Variants in PATL1 observed in about 807,000 individuals in gnomAD.
PATL1 encodes protein PAT1 homolog 1.
In PATL1, 32 loss-of-function variants were observed where a neutral mutation model predicts 100.6. The ratio of observed to expected loss-of-function variants is 0.32; its 90% CI spans 0.24 to 0.43. The LOEUF (loss-of-function observed/expected upper bound fraction) is 0.43. Among genes scored for constraint, PATL1 ranks in the 20% least tolerant of loss-of-function variants. The pLI is 1.00. For missense variants in PATL1, 747 were observed against 949.9 expected (o/e 0.79, Z 2.81); for synonymous variants, 332 against 330.0 (o/e 1.01, Z -0.07).
At chr11:59,662,145 A>T (rs1861634631) in intron 2 of PATL1, among the ~76,000 whole-genome samples, 1 of 152,188 alleles carries the variant, frequency 6.6e-6, no homozygotes. Context: ...TCAAATATAT[A>T]ATTTTGGTAT....
intron 18 of PATL1, 123 bp from the exon 19 acceptor site, chr11:59,638,534 A>T (rs1861225227): frequency 1.1e-6 from 1 of 930,080 alleles, no homozygotes. Context: ...TTATTTCTCT[A>T]CCCTTAGCAT....
rs945998858 is a variant in PATL1 at position 59,657,706 on chromosome 11, C to T, written c.445G>A (p.Val149Ile). ...LLAQEMPTVS[V>I]LEYALPQRPP... ...CTCTGAGGCAAAGCATATTCTAATA[C>T]AGACACTGTAGGCATTTCCTAATTG... is the stretch of plus-strand genomic sequence containing the variant. Residue 149 changes from valine to isoleucine, a missense_variant, in exon 5 of 19, where the codon GTA (valine) becomes ATA (isoleucine). By Grantham distance (29) the Val-to-Ile change is conservative (BLOSUM62 3). Coordinates refer to ENST00000300146, the MANE Select transcript of PATL1 (RefSeq NM_152716.3). 6.2e-7 allele frequency: 1 copy of T among 1,608,406 alleles called. No homozygotes were observed. Among genetic ancestry groups the T allele is most frequent in the Non-Finnish European group, 8.5e-7 (1 of 1,176,750 alleles).
At chr11:59,657,812 A>G (rs1861557852) in intron 4 of PATL1, 88 bp from the exon 5 acceptor site, 1 of 1,004,300 alleles carries the variant, frequency 1.0e-6, no homozygotes, top group African/African-American at 1.9e-5. Context: ...TACCTTAAGA[A>G]ATTTTTTTAA....
Position 59,639,064 on chromosome 11 carries a change from G to A in PATL1, c.2275C>T (p.Leu759=). The A allele has an allele frequency of 6.2e-7, 1 of 1,613,474 alleles. No individual in the cohort carries two copies. The highest frequency in any genetic ancestry group is 8.5e-7 in the Non-Finnish European group (1 of 1,179,698). Residue 759 remains leucine, a synonymous_variant, in exon 18 of 19, where the codon CTG becomes TTG. Transcript: ENST00000300146. ...RYVDRQKLNL[L]ETKLQLVQGI... ...CAAACTTACTGCAGTTTTGTCTCCA[G>A]CAAGTTCAGTTTCTGCCGGTCAACA... is the stretch of plus-strand genomic sequence containing the variant.
intron 1 of PATL1, among the ~76,000 whole-genome samples, chr11:59,668,510 G>T (rs1405232029): frequency 6.6e-6 from 1 of 151,800 alleles, no homozygotes. Flanking sequence ...GGGAAACGCG[G>T]CTCTGGGAAT....
intron 1 of PATL1, chr11:59,667,241 G>A (rs1861703935): frequency 3.3e-6 from 1 of 306,224 alleles, no homozygotes; most frequent in African/African-American, 2.3e-5. Flanking sequence ...ACGAACAGCA[G>A]TTCCTCATGC....
chr11:59,646,334 A>G (rs1189196442), intron 15 of PATL1, among the ~76,000 whole-genome samples: 1 of 132,794 alleles, frequency 7.5e-6, no homozygotes, highest in Non-Finnish European at 1.6e-5. Flanking sequence ...TACTGTGTCC[A>G]GCTCATTTTT....
At chr11:59,653,774 T>C (rs549034292) in intron 9 of PATL1, among the ~76,000 whole-genome samples, 16 of 152,230 alleles carry the variant, frequency 1.1e-4, no homozygotes, top group Non-Finnish European at 2.4e-4. Flanking sequence ...GTGTGCCTTT[T>C]AGTTTTACAT....
rs1051052931 is a variant in PATL1 at position 59,668,984 on chromosome 11, C to T, written c.-89G>A. 2 of 306,456 alleles carry T rather than the reference C, an allele frequency of 6.5e-6. No homozygotes were observed. Among genetic ancestry groups the T allele is most frequent in the East Asian group, 5.6e-5 (1 of 17,930 alleles). The allele number at this position is 306,456 out of a possible 1,614,324, so 19.0% of individuals were successfully genotyped here. A position where few individuals can be genotyped will look rare whatever the true frequency, so the allele number is the denominator to read the frequency against. On this transcript the variant is annotated 5_prime_UTR_variant, in exon 1 of 19. Transcript: ENST00000300146. ...CCCGGCTCCTCCGCGCGCGGGTCCT[C>T]CACCGGCTCGCGACCCCTGGCCGCC... is the stretch of plus-strand genomic sequence containing the variant.
chr11:59,638,154 G>C lies in PATL1; in HGVS notation c.*236C>G, dbSNP rs143829068. On this transcript the variant is annotated 3_prime_UTR_variant, in exon 19 of 19. Transcript: ENST00000300146. ...GAACTGAGTAAAAGTAGGACATGCA[G>C]AACTGTAACACAGAAGGTAAAGAAA... is the stretch of plus-strand genomic sequence containing the variant. 1.5e-3 allele frequency: 837 copies of C among 572,920 alleles called. 2 individuals carry two copies. Among genetic ancestry groups the C allele is most frequent in the Middle Eastern group, 2.8e-3 (6 of 2,146 alleles). 35.5% of individuals were successfully genotyped at this position (572,920 alleles called of 1,614,324 possible). A position where few individuals can be genotyped will look rare whatever the true frequency, so the allele number is the denominator to read the frequency against.
At chr11:59,660,430 G>C (rs1296549458) in intron 2 of PATL1, among the ~76,000 whole-genome samples, 2 of 152,158 alleles carry the variant, frequency 1.3e-5, no homozygotes, top group Non-Finnish European at 2.9e-5. Flanking sequence ...AAGGAAGAAA[G>C]GCAGATTGAA....
chr11:59,661,045 TTC>T (rs1861618197), intron 2 of PATL1, among the ~76,000 whole-genome samples: 1 of 152,186 alleles, frequency 6.6e-6, no homozygotes, highest in Non-Finnish European at 1.5e-5. Flanking sequence ...TCCATTCTGC[TTC>T]CATCATGAAA....
At chr11:59,640,422 A>G (rs566707645) in intron 16 of PATL1, among the ~76,000 whole-genome samples, 1 of 150,714 alleles carries the variant, frequency 6.6e-6, no homozygotes, top group South Asian at 2.1e-4. Flanking sequence ...TCTTTGGGGC[A>G]TAGGATTAAA....
chr11:59,641,247 G>T (rs1456049627), intron 16 of PATL1, among the ~76,000 whole-genome samples: 4 of 152,088 alleles, frequency 2.6e-5, no homozygotes, highest in Admixed American at 6.5e-5. Context: ...TTTGAGTACA[G>T]AAAGTTGAGG....
At chr11:59,662,284 A>G (rs1861636873) in intron 2 of PATL1, among the ~76,000 whole-genome samples, 1 of 152,184 alleles carries the variant, frequency 6.6e-6, no homozygotes, top group Non-Finnish European at 1.5e-5. Context: ...ATCCTTACTT[A>G]AGCCTCCGGG....
chr11:59,658,994 T>G, intron 3 of PATL1, 48 bp from the exon 4 acceptor site: 2 of 1,464,786 alleles, frequency 1.4e-6, no homozygotes, highest in Non-Finnish European at 1.8e-6. Context: ...GTATACTCTC[T>G]GGGTGACTTA....
rs1861215033 is a variant in PATL1 at position 59,637,877 on chromosome 11, T to TAGTA, written c.*512_*513insTACT. 6.5e-6 allele frequency: 1 copy of TAGTA among 154,024 alleles called. No homozygotes were observed. Among genetic ancestry groups the TAGTA allele is most frequent in the African/African-American group, 2.4e-5 (1 of 41,458 alleles). The allele number at this position is 154,024 out of a possible 1,614,324, so 9.5% of individuals were successfully genotyped here. ...ATTTTTCAATCTAAAATTCATTCTT[T>TAGTA]AAGGACCCTCTGAAGACCACATAAA... On this transcript the variant is annotated 3_prime_UTR_variant, in exon 19 of 19. Coordinates refer to ENST00000300146, the MANE Select transcript of PATL1 (RefSeq NM_152716.3).
At position 59,652,599 on chromosome 11, in the gene PATL1, A is replaced by T. The variant is rs1429634670; in HGVS notation, c.1303-12T>A. On this transcript the variant is annotated splice_polypyrimidine_tract_variant and intron_variant, in intron 10 of 18. Coordinates refer to ENST00000300146, the MANE Select transcript of PATL1 (RefSeq NM_152716.3). ...TTTTCAAAGTAATTCTACCACGAGA[A>T]GATGATTTCAGTTGTAACACAAGCA... The T allele has an allele frequency of 1.2e-6, 2 of 1,612,478 alleles. No homozygotes were observed. The highest frequency in any genetic ancestry group is 1.7e-5 in the Admixed American group (1 of 59,668).
intron 11 of PATL1, 97 bp downstream of exon 11, chr11:59,652,367 T>C (rs1861459782): frequency 7.6e-6 from 11 of 1,452,294 alleles, no homozygotes; most frequent in Non-Finnish European, 9.2e-6. Flanking sequence ...GAAACATCTT[T>C]GCATATCCTT....
Sources: gnomAD v4.1 joint callset for allele counts (sites outside exome capture counted in the v4.1 genomes callset) on GRCh38, gnomAD v4.1.1 for gene constraint, MANE v1.5 for transcripts, NCBI Gene and HGNC (gene_info 2026-07-23, HGNC 2026-07-21) for gene names.